Variants in PLD5 observed in about 807,000 individuals in gnomAD.
The protein encoded by PLD5 is inactive phospholipase D5.
PLD5 carries 36 observed loss-of-function variants against 61.1 expected under a neutral mutation model. The ratio of observed to expected loss-of-function variants is 0.59; its 90% confidence interval spans 0.45 to 0.78. The LOEUF (loss-of-function observed/expected upper bound fraction) is 0.78. Ranked by LOEUF, PLD5 falls within the 30% of genes least tolerant of loss-of-function variation. The pLI, the probability that PLD5 is intolerant of heterozygous loss-of-function variation, is 0.00. For synonymous variants in PLD5, 243 were observed against 242.8 expected, an observed-to-expected ratio of 1.00 and a Z score of -0.01; for missense variants, 515 against 644.4, an observed-to-expected ratio of 0.80 and a Z score of 2.17.
intron 2 of PLD5, among the ~76,000 whole-genome samples, chr1:242,296,837 A>G (rs1675686640): frequency 6.6e-6 from 1 of 152,164 alleles, no homozygotes; most frequent in Non-Finnish European, 1.5e-5. Flanking sequence ...CCTGCCTTAC[A>G]GCCTCCTGAG....
At chr1:242,380,944 T>C (rs1210092901) in intron 1 of PLD5, among the ~76,000 whole-genome samples, 4 of 152,192 alleles carry the variant, frequency 2.6e-5, no homozygotes, top group African/African-American at 7.2e-5. Context: ...TTTTACACTG[T>C]TGATGGGAAT....
At chr1:242,479,356 A>G (rs1312154576) in intron 1 of PLD5, among the ~76,000 whole-genome samples, 2 of 152,224 alleles carry the variant, frequency 1.3e-5, no homozygotes, top group African/African-American at 2.4e-5. Flanking sequence ...TAAGATCAAT[A>G]TACAAAAATG....
intron 9 of PLD5, among the ~76,000 whole-genome samples, chr1:242,090,481 G>A (rs1345042667): frequency 6.6e-6 from 1 of 152,174 alleles, no homozygotes; most frequent in East Asian, 1.9e-4. Context: ...TTCTCAAAGA[G>A]ACAACATCTA....
intron 5 of PLD5, among the ~76,000 whole-genome samples, chr1:242,181,724 G>C (rs930113420): frequency 6.6e-6 from 1 of 151,786 alleles, no homozygotes; most frequent in Non-Finnish European, 1.5e-5. Flanking sequence ...GTGCAGTGGC[G>C]AGATCTCGGC....
chr1:242,397,263 T>C (rs1663640714), intron 1 of PLD5, among the ~76,000 whole-genome samples: 1 of 152,076 alleles, frequency 6.6e-6, no homozygotes, highest in Admixed American at 6.5e-5. Flanking sequence ...TTTACATGAC[T>C]CTTCCTCCCA....
chr1:242,488,778 TTAGTGTAACACAC>T (rs1308144148), intron 1 of PLD5, among the ~76,000 whole-genome samples: 3 of 152,176 alleles, frequency 2.0e-5, no homozygotes, highest in Non-Finnish European at 4.4e-5. Flanking sequence ...AATTACAACA[TTAGTGTAACACAC>T]TAATGCAAGA....
intron 5 of PLD5, among the ~76,000 whole-genome samples, chr1:242,207,954 T>A (rs868785873): frequency 0.03 from 545 of 18,058 alleles, 166 homozygotes; most frequent in African/African-American, 0.15. Context: ...ATATATTTAT[T>A]TATATATATT....
chr1:242,369,474 T>A (rs1399861988), intron 1 of PLD5, among the ~76,000 whole-genome samples: 1 of 152,008 alleles, frequency 6.6e-6, no homozygotes, highest in African/African-American at 2.4e-5. Flanking sequence ...ATGGGAAAAA[T>A]AATCAATAGA....
At position 242,308,381 on chromosome 1, in the gene PLD5, C is replaced by T. The variant is rs138333026; in HGVS notation, c.327-19851G>A. ...TTGAAACCAGGCCGAAGTCTGTCTG[C>T]TACTCAAATTATTTCTTTGAAAATA... On this transcript the variant is annotated intron_variant, in intron 2 of 9. Transcript: ENST00000536534. Among the ~76,000 whole-genome samples the T allele has an allele frequency of 4.0e-3, 613 of 152,266 alleles. 3 individuals are homozygous for T. The highest frequency in any genetic ancestry group is 6.1e-3 in the Non-Finnish European group (413 of 68,008).
chr1:242,236,899 A>C (rs1223510244), intron 4 of PLD5, among the ~76,000 whole-genome samples: 6 of 152,208 alleles, frequency 3.9e-5, no homozygotes, highest in Non-Finnish European at 7.3e-5. Context: ...TCCAGGTTGA[A>C]GCCTGCCAAG....
intron 4 of PLD5, among the ~76,000 whole-genome samples, chr1:242,258,549 T>G (rs989172834): frequency 6.6e-6 from 1 of 152,216 alleles, no homozygotes; most frequent in Non-Finnish European, 1.5e-5. Flanking sequence ...CATCTTACGA[T>G]TGCTACAGAC....
intron 7 of PLD5, among the ~76,000 whole-genome samples, chr1:242,108,335 A>G (rs1574309298): frequency 6.6e-6 from 1 of 152,026 alleles, no homozygotes; most frequent in Non-Finnish European, 1.5e-5. Flanking sequence ...GTGTCTCCTT[A>G]CCAAGCCTCC....
Position 242,463,913 on chromosome 1 carries a change from T to C in PLD5, c.189+60175A>G, listed in dbSNP as rs116803406. ...TCTCCACCAGCCATTGTCCCATTTC[T>C]TCCCTTCCCTGTGTGACGATATCTG... On this transcript the variant is annotated intron_variant, in intron 1 of 9. Transcript: ENST00000536534. Among the ~76,000 whole-genome samples, 1,469 of 152,272 alleles carry C rather than the reference T, an allele frequency of 9.6e-3. 30 individuals carry two copies. The highest frequency in any genetic ancestry group is 0.034 in the African/African-American group (1,418 of 41,538).
intron 1 of PLD5, among the ~76,000 whole-genome samples, chr1:242,470,219 G>A (rs1667402406): frequency 6.6e-6 from 1 of 152,024 alleles, no homozygotes; most frequent in South Asian, 2.1e-4. Context: ...GCGGGCGCCT[G>A]TACTCCCAGC....
chr1:242,168,863 T>G (rs1457076658), intron 5 of PLD5, among the ~76,000 whole-genome samples: 1 of 142,154 alleles, frequency 7.0e-6, no homozygotes, highest in African/African-American at 2.5e-5. Context: ...TTTTTTTTTT[T>G]TTTACCACCC....
chr1:242,354,654 G>A (rs568338542), intron 1 of PLD5, among the ~76,000 whole-genome samples: 14 of 151,966 alleles, frequency 9.2e-5, no homozygotes, highest in Middle Eastern at 3.4e-3. Flanking sequence ...TTTCAAGGAC[G>A]TCCAATACTA....
chr1:242,110,494 G>A (rs1035552968), intron 7 of PLD5, among the ~76,000 whole-genome samples: 1 of 151,950 alleles, frequency 6.6e-6, no homozygotes, highest in Non-Finnish European at 1.5e-5. Context: ...TTTAATCACT[G>A]GTACACAGTG....
rs58312459 is a variant in PLD5, at chr1:242,132,192, CGGGGGG to C, written c.736-7533_736-7528del. Reference sequence around the variant, plus strand: ...GTCATCAAAGAGAATGCAGTGATTGCGGGGGGGGGGGGGGGCGGAATCATTTTTAGC... The same window carrying C: ...GTCATCAAAGAGAATGCAGTGATTGCGGGGGGGGGCGGAATCATTTTTAGC... On this transcript the variant is annotated intron_variant, in intron 5 of 9. Coordinates refer to ENST00000536534, the MANE Select transcript of PLD5 (RefSeq NM_001372062.1). 1.9e-4 allele frequency among the ~76,000 whole-genome samples: 4 copies of C among 21,038 alleles called. 1 individual carries two copies. In the East Asian group the frequency reaches 1.9e-3, roughly 10 times the overall value. 13.8% of individuals were successfully genotyped at this position (21,038 alleles called of 152,430 possible). A position where few individuals can be genotyped will look rare whatever the true frequency, so the allele number is the denominator to read the frequency against.
intron 9 of PLD5, among the ~76,000 whole-genome samples, chr1:242,092,723 A>T (rs1483167971): frequency 6.6e-6 from 1 of 151,930 alleles, no homozygotes; most frequent in East Asian, 1.9e-4. Flanking sequence ...TCTGTGGGAG[A>T]AGCTGCTGGA....
Sources: gnomAD v4.1 joint callset for allele counts (sites outside exome capture counted in the v4.1 genomes callset) on GRCh38, gnomAD v4.1.1 for gene constraint, MANE v1.5 for transcripts, NCBI Gene and HGNC (gene_info 2026-07-23, HGNC 2026-07-21) for gene names.